Variants in ADGRB1 observed in about 807,000 individuals in gnomAD.
ADGRB1 encodes the protein brain-specific angiogenesis inhibitor 1.
Under a neutral mutation model 175.7 loss-of-function variants are expected in ADGRB1, and 36 were observed. The ratio of observed to expected loss-of-function variants is 0.20; its 90% CI spans 0.16 to 0.27. The LOEUF is 0.27. Among genes scored for constraint, ADGRB1 ranks in the 10% least tolerant of loss-of-function variants. The pLI, the probability that ADGRB1 is intolerant of heterozygous loss-of-function variation, is 1.00. For synonymous variants in ADGRB1, 1,054 were observed against 979.4 expected, an observed-to-expected ratio of 1.08 and a Z score of -1.42; for missense variants, 1,731 against 2,255.3, an observed-to-expected ratio of 0.77 and a Z score of 4.71.
chr8:142,535,237 G>A (rs569131229), intron 25 of ADGRB1, among the ~76,000 whole-genome samples: 2 of 152,180 alleles, frequency 1.3e-5, no homozygotes. Flanking sequence ...GGAGAGGAGG[G>A]GCTCCAGGGA....
At chr8:142,544,132 A>AT (rs1397580491) in intron 30 of ADGRB1, 88 bp from the exon 31 acceptor site, 20 of 1,391,580 alleles carry the variant, frequency 1.4e-5, no homozygotes, top group Non-Finnish European at 1.9e-5. Context: ...TTCCTCACTG[A>AT]TTCGTGTCTG....
intron 19 of ADGRB1, 29 bp from the exon 20 acceptor site, chr8:142,520,794 C>T: frequency 6.3e-7 from 1 of 1,594,320 alleles, no homozygotes; most frequent in South Asian, 1.1e-5. Flanking sequence ...CTGTTGGGTG[C>T]TGACCTTGGG....
intron 26 of ADGRB1, among the ~76,000 whole-genome samples, chr8:142,539,148 G>A (rs1322392818): frequency 1.3e-5 from 2 of 152,036 alleles, no homozygotes; most frequent in Non-Finnish European, 2.9e-5. Context: ...CCACAAACAC[G>A]CACGCATACA....
chr8:142,542,396 C>A lies in ADGRB1; in HGVS notation c.4162C>A (p.Leu1388Ile). 6.5e-7 allele frequency: 1 copy of A among 1,549,940 alleles called. No individual in the cohort carries two copies. Among genetic ancestry groups the A allele is most frequent in the Non-Finnish European group, 8.7e-7 (1 of 1,148,486 alleles). The change falls in exon 28 of 31, where the codon CTC becomes ATC. Residue 1388 changes from leucine to isoleucine, a missense_variant. Transcript: ENST00000517894. The surrounding 1 kb of genome is among the most constrained non-coding windows in gnomAD (Gnocchi z 6.3). ...IHLSTAPEAS[L>I]PARSPPSRQP... ...CCTCAGCACGGCCCCCGAGGCCAGC[C>A]TCCCCGCCCGCAGCCCGCCCTCCCG...
At position 142,484,793 on chromosome 8, in the gene ADGRB1, C is replaced by G. The variant is rs367632142; in HGVS notation, c.2308+29C>G. 923 of 1,521,412 alleles carry G rather than the reference C, an allele frequency of 6.1e-4. 1 individual carries two copies. The highest frequency in any genetic ancestry group is 1.5e-3 in the South Asian group (126 of 84,494). 94.2% of individuals were successfully genotyped at this position (1,521,412 alleles called of 1,614,324 possible). On this transcript the variant is annotated intron_variant, in intron 13 of 30. Transcript: ENST00000517894. ...AGCCTGCCCGCCTGCTGCCACCCCC[C>G]ATGCCTTGCTTTGCAGCCCTGGGCC...
chr8:142,522,192 C>A (rs1357713830), intron 21 of ADGRB1, 77 bp downstream of exon 21: 6 of 1,549,294 alleles, frequency 3.9e-6, no homozygotes, highest in Non-Finnish European at 3.5e-6. Context: ...GGCAGCCCCT[C>A]CTCTCCCCAT....
Position 142,510,876 on chromosome 8 carries a change from T to G in ADGRB1, c.2676-56T>G. The G allele has an allele frequency of 2.1e-6, 2 of 968,792 alleles. No homozygotes were observed. The highest frequency in any genetic ancestry group is 1.8e-5 in the African/African-American group (1 of 55,142). The allele number at this position is 968,792 out of a possible 1,614,324, so 60.0% of individuals were successfully genotyped here. A position where few individuals can be genotyped will look rare whatever the true frequency, so the allele number is the denominator to read the frequency against. On this transcript the variant is annotated intron_variant, in intron 17 of 30. Coordinates refer to ENST00000517894, the MANE Select transcript of ADGRB1 (RefSeq NM_001702.3). This position sits in a 1 kb window ranked among gnomAD's most constrained non-coding sequence, Gnocchi z 6.3. ...CCGCTCGGGGGCCGGGGCGCCCGCGTCCCCGCCGCCGCTGACGCTCCGCCT... is the reference window on the plus strand; with the variant it reads ...CCGCTCGGGGGCCGGGGCGCCCGCGGCCCCGCCGCCGCTGACGCTCCGCCT...
chr8:142,543,026 G>A lies in ADGRB1; in HGVS notation c.4414-377G>A, dbSNP rs896874802. ...TCAGCCTGTAGGATGTTGTTTTTGG[G>A]GGAGCCCGTCCCCACAGGATATGCT... On this transcript the variant is annotated intron_variant, in intron 28 of 30. Coordinates refer to ENST00000517894, the MANE Select transcript of ADGRB1 (RefSeq NM_001702.3). The surrounding 1 kb of genome is among the most constrained non-coding windows in gnomAD (Gnocchi z 4.4). Among the ~76,000 whole-genome samples, 2 of 152,158 alleles carry A rather than the reference G, an allele frequency of 1.3e-5. No homozygotes were observed. Among genetic ancestry groups the A allele is most frequent in the African/African-American group, 4.8e-5 (2 of 41,434 alleles).
chr8:142,484,237 A>T (rs1406962210), intron 12 of ADGRB1, among the ~76,000 whole-genome samples, 192 bp downstream of exon 12: 1 of 152,220 alleles, frequency 6.6e-6, no homozygotes, highest in Non-Finnish European at 1.5e-5. Context: ...CATTTGTCTA[A>T]GGACAGTCAT....
chr8:142,457,610 G>A (rs1396144312), intron 1 of ADGRB1, among the ~76,000 whole-genome samples: 1 of 152,140 alleles, frequency 6.6e-6, no homozygotes, highest in African/African-American at 2.4e-5. Context: ...TGCCTCTGCT[G>A]TGGGTGGCAC....
rs575079184 is a variant in ADGRB1, at chr8:142,492,833, G to A, written c.2675+2018G>A. Among the ~76,000 whole-genome samples the A allele has an allele frequency of 5.9e-5, 9 of 152,218 alleles. No individual in the cohort carries two copies. Among genetic ancestry groups the A allele is most frequent in the African/African-American group, 2.2e-4 (9 of 41,532 alleles). On this transcript the variant is annotated intron_variant, in intron 17 of 30. Transcript: ENST00000517894. The surrounding 1 kb of genome is among the most constrained non-coding windows in gnomAD (Gnocchi z 4.4). The stretch of plus-strand genomic sequence containing the variant: ...TTGCATTTTCAGGGGGTGGCAGTGC[G>A]GGGGCTGCAGGTGGGTCTCTCACCC...
Position 142,464,288 on chromosome 8 carries a change from G to C in ADGRB1, c.90G>C (p.Ala30=). ...TGCTGCTGGGACGCCGCGCGCGGGC[G>C]GCCGCCGGAGCAGACGCGGGGCCCG... is the stretch of plus-strand genomic sequence containing the variant. ...LLLLLGRRAR[A]AAGADAGPGP... Residue 30 remains alanine (A), a synonymous_variant, in exon 2 of 31, where the codon GCG becomes GCC. Coordinates refer to ENST00000517894, the MANE Select transcript of ADGRB1 (RefSeq NM_001702.3). 2 of 1,364,724 alleles carry C rather than the reference G, an allele frequency of 1.5e-6. No individual in the cohort carries two copies. The highest frequency in any genetic ancestry group is 1.8e-5 in the South Asian group (1 of 56,448). The allele number at this position is 1,364,724 out of a possible 1,614,324, so 84.5% of individuals were successfully genotyped here. A position where few individuals can be genotyped will look rare whatever the true frequency, so the allele number is the denominator to read the frequency against.
chr8:142,523,045 C>T (rs1317264841), intron 22 of ADGRB1, among the ~76,000 whole-genome samples: 3 of 152,232 alleles, frequency 2.0e-5, no homozygotes, highest in Non-Finnish European at 4.4e-5. Context: ...CTGTACGGTG[C>T]TGGTGAGAGG....
intron 17 of ADGRB1, among the ~76,000 whole-genome samples, chr8:142,506,568 G>A (rs1259244187): frequency 1.3e-5 from 2 of 152,224 alleles, no homozygotes; most frequent in African/African-American, 2.4e-5. Context: ...GGTCTCCCAC[G>A]TGCGGGAGCA....
Position 142,510,883 on chromosome 8 carries a change from C to T in ADGRB1, c.2676-49C>T, listed in dbSNP as rs1029743277. ...GGGGCCGGGGCGCCCGCGTCCCCGC[C>T]GCCGCTGACGCTCCGCCTGTCTCCC... On this transcript the variant is annotated intron_variant, in intron 17 of 30. Transcript: ENST00000517894. This position sits in a 1 kb window ranked among gnomAD's most constrained non-coding sequence, Gnocchi z 6.3. The T allele has an allele frequency of 5.3e-4, 538 of 1,008,064 alleles. No individual in the cohort carries two copies. The highest frequency in any genetic ancestry group is 6.0e-4 in the Non-Finnish European group (505 of 839,752). The allele number at this position is 1,008,064 out of a possible 1,614,324, so 62.4% of individuals were successfully genotyped here.
intron 2 of ADGRB1, among the ~76,000 whole-genome samples, chr8:142,471,648 G>A (rs938733580): frequency 3.9e-5 from 6 of 152,230 alleles, no homozygotes; most frequent in East Asian, 3.9e-4. Context: ...GACAGGTTTC[G>A]GGGAGCCCCG....
At chr8:142,502,417 G>A (rs867727896) in intron 17 of ADGRB1, among the ~76,000 whole-genome samples, 19 of 134,134 alleles carry the variant, frequency 1.4e-4, no homozygotes, top group South Asian at 2.6e-4. Flanking sequence ...GGTGGTGGTG[G>A]TGATGGTGGT....
chr8:142,499,713 T>C (rs1460045028), intron 17 of ADGRB1, among the ~76,000 whole-genome samples: 1 of 152,192 alleles, frequency 6.6e-6, no homozygotes, highest in African/African-American at 2.4e-5. Context: ...CCATGCCGCC[T>C]TTTAGAAGCA....
At chr8:142,489,818 A>G (rs555351170) in intron 16 of ADGRB1, among the ~76,000 whole-genome samples, 6 of 152,036 alleles carry the variant, frequency 3.9e-5, no homozygotes, top group Non-Finnish European at 7.4e-5. Flanking sequence ...CGGCACCGCC[A>G]GGACTGACAC....
Sources: allele counts gnomAD v4.1 joint callset (sites outside exome capture counted in the v4.1 genomes callset), GRCh38; gene constraint gnomAD v4.1.1; non-coding constraint Gnocchi (gnomAD v3.1); transcripts MANE v1.5; gene names NCBI Gene and HGNC (gene_info 2026-07-23, HGNC 2026-07-21).